PPL: variants seen among roughly 807,000 people sequenced by gnomAD.
PPL encodes periplakin.
PPL carries 198 observed loss-of-function variants against 194.4 expected under a neutral mutation model. The observed-to-expected ratio is 1.02, with a 90% CI of 0.91 to 1.15. The LOEUF is 1.15. Ranked by LOEUF, PPL falls within the 50% of genes most tolerant of loss-of-function variation. PPL has a pLI of 0.00. For missense variants in PPL, 2,885 were observed against 2,294.8 expected, an observed-to-expected ratio of 1.26 and a Z score of -5.25; for synonymous variants, 1,220 against 972.4, an observed-to-expected ratio of 1.25 and a Z score of -4.74.
At chr16:4,912,976 C>CAT (rs1404076978) in intron 1 of PPL, among the ~76,000 whole-genome samples, 1 of 152,000 alleles carries the variant, frequency 6.6e-6, no homozygotes, top group African/African-American at 2.4e-5. Flanking sequence ...TGGTGGCATG[C>CAT]GCCTGTAGTC....
intron 14 of PPL, among the ~76,000 whole-genome samples, chr16:4,892,447 A>T (rs2088338349): frequency 1.3e-5 from 2 of 152,236 alleles, no homozygotes; most frequent in South Asian, 4.1e-4. Flanking sequence ...AGAAGCACCC[A>T]GGCAGCTGCC....
intron 17 of PPL, 150 bp from the exon 18 acceptor site, chr16:4,890,484 G>T: frequency 8.7e-7 from 1 of 1,143,338 alleles, no homozygotes; most frequent in Non-Finnish European, 1.2e-6. Context: ...ATTAGGGAAC[G>T]TCAGGTTGGA....
chr16:4,906,909 C>T (rs2088698179), intron 2 of PPL, among the ~76,000 whole-genome samples: 1 of 152,118 alleles, frequency 6.6e-6, no homozygotes, highest in Non-Finnish European at 1.5e-5. Flanking sequence ...GTAGACACTT[C>T]TCTAGAGTTT....
chr16:4,930,580 G>T (rs1568065957), intron 1 of PPL, among the ~76,000 whole-genome samples: 1 of 152,158 alleles, frequency 6.6e-6, no homozygotes, highest in South Asian at 2.1e-4. Flanking sequence ...AGTGTCTGGG[G>T]GAAGGCAGCC....
intron 8 of PPL, among the ~76,000 whole-genome samples, chr16:4,898,196 G>A (rs1283877417): frequency 1.3e-5 from 2 of 152,180 alleles, no homozygotes; most frequent in Non-Finnish European, 2.9e-5. Context: ...TGGCCCACAT[G>A]ATGAGACCCT....
At chr16:4,927,730 G>A (rs1239182073) in intron 1 of PPL, among the ~76,000 whole-genome samples, 1 of 152,226 alleles carries the variant, frequency 6.6e-6, no homozygotes, top group Non-Finnish European at 1.5e-5. Context: ...TGCTGGTGTA[G>A]TAATTCCAGG....
At chr16:4,886,174 G>T in intron 21 of PPL, 127 bp from the exon 22 acceptor site, 1 of 1,174,910 alleles carries the variant, frequency 8.5e-7, no homozygotes, top group Non-Finnish European at 1.2e-6. Flanking sequence ...GTTCATGTTA[G>T]TTGTAGAGTT....
In PPL at chr16:4,894,498, T is replaced by TG. The variant is rs753902804; in HGVS notation, c.1362dup (p.Thr455HisfsTer4). 2.4e-5 allele frequency: 39 copies of TG among 1,613,386 alleles called. No homozygotes were observed. Among genetic ancestry groups the TG allele is most frequent in the African/African-American group, 4.0e-5 (3 of 74,896 alleles). On this transcript the variant is annotated frameshift_variant, in exon 12 of 22. Transcript: ENST00000345988. LOFTEE classifies it high-confidence loss of function. ...GCCAGAGCCAGGGCCTCAGGGTCTGTGGGGGGGATCACAAAACACACGGCC... is the reference window on the plus strand; with the variant it reads ...GCCAGAGCCAGGGCCTCAGGGTCTGTGGGGGGGGATCACAAAACACACGGCC...
chr16:4,909,642 G>A (rs933390845), intron 2 of PPL, among the ~76,000 whole-genome samples: 2 of 151,814 alleles, frequency 1.3e-5, no homozygotes, highest in Non-Finnish European at 2.9e-5. Context: ...GGCCAGTCTG[G>A]TCTCAAACTC....
chr16:4,884,423 T>G lies in PPL; in HGVS notation c.4232A>C (p.Gln1411Pro). The G allele has an allele frequency of 6.2e-7, 1 of 1,604,130 alleles. No homozygotes were observed. Residue 1411 changes from glutamine to proline, a missense_variant, in exon 22 of 22, where the codon CAG (glutamine) becomes CCG (proline). Physicochemically the swap from Gln to Pro is moderately conservative, Grantham distance 76. Transcript: ENST00000345988. The surrounding 1 kb of genome is among the most constrained non-coding windows in gnomAD (Gnocchi z 5.7). ...RQLEELERER[Q>P]ARREAEREVQ... ...CTCGCGCTCGGCCTCCCTGCGGGCCTGCCGCTCGCGCTCTAGCTCCTCCAG... is the reference window on the plus strand; with the variant it reads ...CTCGCGCTCGGCCTCCCTGCGGGCCGGCCGCTCGCGCTCTAGCTCCTCCAG...
At position 4,902,565 on chromosome 16, in the gene PPL, G is replaced by C. The variant is rs781184428; in HGVS notation, c.318-39C>G. On this transcript the variant is annotated intron_variant, in intron 3 of 21. Coordinates refer to ENST00000345988, the MANE Select transcript of PPL (RefSeq NM_002705.5). This position sits in a 1 kb window ranked among gnomAD's most constrained non-coding sequence, Gnocchi z 4.0. ...GGCTCCCACTTAGTGGGGCTGGTTG[G>C]CACTGCCTGCACCCCAGGAGGGGCC... 1.0e-5 allele frequency: 16 copies of C among 1,600,118 alleles called. No homozygotes were observed. Among genetic ancestry groups the C allele is most frequent in the Middle Eastern group, 1.7e-4 (1 of 5,916 alleles).
intron 16 of PPL, chr16:4,891,404 T>TA (rs1350209903): frequency 6.0e-6 from 1 of 167,192 alleles, no homozygotes; most frequent in Non-Finnish European, 1.3e-5. Flanking sequence ...CAGCAAGAGA[T>TA]ACTGGGAACA....
intron 1 of PPL, among the ~76,000 whole-genome samples, chr16:4,931,386 TAAAA>T (rs1426729019): frequency 6.6e-6 from 1 of 151,328 alleles, no homozygotes; most frequent in Non-Finnish European, 1.5e-5. Context: ...AAAGAACACT[TAAAA>T]AAAATAGGTT....
Position 4,883,753 on chromosome 16 carries a change from G to A in PPL, c.4902C>T (p.Asp1634=), listed in dbSNP as rs374775954. Residue 1634 remains aspartate, a synonymous_variant, in exon 22 of 22, where the codon GAC becomes GAT. Coordinates refer to ENST00000345988, the MANE Select transcript of PPL (RefSeq NM_002705.5). This position sits in a 1 kb window ranked among gnomAD's most constrained non-coding sequence, Gnocchi z 4.8. ...CGGAGCCCAGGCGCTTCTGCAGCTCGTCGATCTCGAGGTCTTTGTCCTTGG... is the reference window on the plus strand; with the variant it reads ...CGGAGCCCAGGCGCTTCTGCAGCTCATCGATCTCGAGGTCTTTGTCCTTGG... ...RLSKDKDLEI[D]ELQKRLGSVA... is the part of the protein sequence containing the mutation. The A allele has an allele frequency of 2.8e-5, 45 of 1,613,920 alleles. No individual in the cohort carries two copies. The highest frequency in any genetic ancestry group is 8.3e-5 in the Admixed American group (5 of 60,004).
rs1315317439 is a variant in PPL at position 4,885,149 on chromosome 16, A to G, written c.3506T>C (p.Val1169Ala). The G allele has an allele frequency of 3.1e-6, 5 of 1,613,768 alleles. No individual in the cohort carries two copies. The highest frequency in any genetic ancestry group is 4.2e-6 in the Non-Finnish European group (5 of 1,179,960). Residue 1169 changes from valine to alanine, a missense_variant, in exon 22 of 22, where the codon GTG becomes GCG. Coordinates refer to ENST00000345988, the MANE Select transcript of PPL (RefSeq NM_002705.5). This position sits in a 1 kb window ranked among gnomAD's most constrained non-coding sequence, Gnocchi z 6.3. Reference sequence around the variant, plus strand: ...GATCTCCCGCACCTTCTCCTGCACCACCACTTTGGCGTTCTCCTCCTCCAA... The same window carrying G: ...GATCTCCCGCACCTTCTCCTGCACCGCCACTTTGGCGTTCTCCTCCTCCAA... ...WALEEENAKVVVQEKVREIVR... is the reference protein window; with the variant it reads ...WALEEENAKVAVQEKVREIVR...
Position 4,902,064 on chromosome 16 carries a change from C to T in PPL, c.438+342G>A, listed in dbSNP as rs2088584130. 6.6e-6 allele frequency among the ~76,000 whole-genome samples: 1 copy of T among 152,200 alleles called. No individual in the cohort carries two copies. Among genetic ancestry groups the T allele is most frequent in the African/African-American group, 2.4e-5 (1 of 41,458 alleles). On this transcript the variant is annotated intron_variant, in intron 4 of 21. Coordinates refer to ENST00000345988, the MANE Select transcript of PPL (RefSeq NM_002705.5). This position sits in a 1 kb window ranked among gnomAD's most constrained non-coding sequence, Gnocchi z 4.0. ...TGTGGTGAGCACCCAGGAAAGGGAGCGACAGGCCAGAAGCCTGGCCGCTTC... is the reference window on the plus strand; with the variant it reads ...TGTGGTGAGCACCCAGGAAAGGGAGTGACAGGCCAGAAGCCTGGCCGCTTC...
chr16:4,906,442 G>T (rs1420640170), intron 2 of PPL, among the ~76,000 whole-genome samples: 1 of 152,022 alleles, frequency 6.6e-6, no homozygotes, highest in Non-Finnish European at 1.5e-5. Context: ...AGCCAGGATG[G>T]TCTCGATCTC....
intron 3 of PPL, among the ~76,000 whole-genome samples, 165 bp downstream of exon 3, chr16:4,903,721 A>C (rs1207832110): frequency 2.1e-5 from 3 of 141,162 alleles, no homozygotes; most frequent in Admixed American, 7.0e-5. Context: ...ACTACGTCTC[A>C]AAAAAAAAAA....
At chr16:4,934,728 G>A (rs150192873) in intron 1 of PPL, among the ~76,000 whole-genome samples, 6 of 152,156 alleles carry the variant, frequency 3.9e-5, no homozygotes, top group Admixed American at 6.5e-5. Context: ...GCCTAGAGCC[G>A]CAAGTCTGTC....
Sources: gnomAD v4.1 joint callset for allele counts (sites outside exome capture counted in the v4.1 genomes callset) on GRCh38, gnomAD v4.1.1 for gene constraint, Gnocchi (gnomAD v3.1) non-coding constraint, MANE v1.5 for transcripts, NCBI Gene and HGNC (gene_info 2026-07-23, HGNC 2026-07-21) for gene names.